Variants in RFX7 observed in about 807,000 individuals in gnomAD.
RFX7 encodes DNA-binding protein RFX7.
A neutral mutation model predicts 111.8 loss-of-function variants in RFX7; 26 were observed. The observed-to-expected ratio is 0.23, with a 90% CI of 0.17 to 0.32. The LOEUF (loss-of-function observed/expected upper bound fraction) is 0.32. RFX7 is among the 10% of genes least tolerant of loss of function. RFX7 has a pLI of 1.00. For missense variants in RFX7, 1,573 were observed against 1,772.9 expected (o/e 0.89, Z 2.02); for synonymous variants, 624 against 624.4 (o/e 1.00, Z 0.01).
chr15:56,167,987 A>G (rs1040891419), intron 3 of RFX7, among the ~76,000 whole-genome samples: 2 of 152,112 alleles, frequency 1.3e-5, no homozygotes, highest in African/African-American at 4.8e-5. Context: ...TTGGAAAAAT[A>G]AGGAACATTT....
intron 2 of RFX7, among the ~76,000 whole-genome samples, chr15:56,184,978 T>A (rs2043022898): frequency 6.6e-6 from 1 of 152,208 alleles, no homozygotes; most frequent in Non-Finnish European, 1.5e-5. Context: ...CGAGCTTTTT[T>A]GACATCTCAT....
Position 56,092,605 on chromosome 15 carries a change from T to C in RFX7, c.*740A>G. Reference sequence around the variant, plus strand: ...ACAAATGCCTGGAGTTACATTTGCTTGTTTTGTGTGTGCGTGCCTGCGCAT... The same window carrying C: ...ACAAATGCCTGGAGTTACATTTGCTCGTTTTGTGTGTGCGTGCCTGCGCAT... On this transcript the variant is annotated 3_prime_UTR_variant, in exon 10 of 10. Coordinates refer to ENST00000559447, the MANE Select transcript of RFX7 (RefSeq NM_022841.7). 1 of 152,506 alleles carries C rather than the reference T, an allele frequency of 6.6e-6. No homozygotes were observed. 9.4% of individuals were successfully genotyped at this position (152,506 alleles called of 1,614,324 possible). A position where few individuals can be genotyped will look rare whatever the true frequency, so the allele number is the denominator to read the frequency against.
Position 56,243,295 on chromosome 15 carries a change from GGGGTGGGA to G in RFX7, c.-2-16_-2-9del. 2.5e-6 allele frequency: 3 copies of G among 1,187,584 alleles called. No individual in the cohort carries two copies. The highest frequency in any genetic ancestry group is 3.2e-6 in the Non-Finnish European group (3 of 925,514). The allele number at this position is 1,187,584 out of a possible 1,614,324, so 73.6% of individuals were successfully genotyped here. ...GTTGTTCCTCTGCCATCGCTGCAGAGGGGTGGGAGGGAGGGAGGGAAAGATGGGGGCGC... is the reference window on the plus strand; with the variant it reads ...GTTGTTCCTCTGCCATCGCTGCAGAGGGGAGGGAGGGAAAGATGGGGGCGC... On this transcript the variant is annotated splice_polypyrimidine_tract_variant and intron_variant, in intron 1 of 9. Transcript: ENST00000559447.
intron 5 of RFX7, among the ~76,000 whole-genome samples, chr15:56,140,142 G>A (rs866706896): frequency 3.3e-5 from 5 of 152,150 alleles, no homozygotes; most frequent in African/African-American, 4.8e-5. Flanking sequence ...GGTGGGCTCC[G>A]CCCAGTTGGA....
intron 3 of RFX7, among the ~76,000 whole-genome samples, chr15:56,156,078 G>C (rs1459695861): frequency 6.6e-6 from 1 of 151,976 alleles, no homozygotes; most frequent in African/African-American, 2.4e-5. Context: ...ACTTTGGGCC[G>C]TACGTAGCAT....
chr15:56,241,403 T>C (rs2043687580), intron 2 of RFX7, among the ~76,000 whole-genome samples: 1 of 152,202 alleles, frequency 6.6e-6, no homozygotes, highest in South Asian at 2.1e-4. Context: ...GAAGATTCCT[T>C]TCCCCTCTTG....
chr15:56,227,654 C>G (rs2043499974), intron 2 of RFX7, among the ~76,000 whole-genome samples: 1 of 152,162 alleles, frequency 6.6e-6, no homozygotes, highest in African/African-American at 2.4e-5. Context: ...ATTCCTTCAT[C>G]CCAGCAGTGA....
chr15:56,238,558 C>A (rs1160239154), intron 2 of RFX7, among the ~76,000 whole-genome samples: 1 of 152,086 alleles, frequency 6.6e-6, no homozygotes, highest in Non-Finnish European at 1.5e-5. Context: ...TATCTCTTTC[C>A]ATAAAGTGGG....
At chr15:56,139,225 C>T (rs1160804486) in intron 5 of RFX7, among the ~76,000 whole-genome samples, 2 of 151,158 alleles carry the variant, frequency 1.3e-5, no homozygotes, top group Non-Finnish European at 3.0e-5. Flanking sequence ...CAACTTGGTT[C>T]CATTCTCCCC....
intron 3 of RFX7, among the ~76,000 whole-genome samples, chr15:56,176,706 C>A (rs1336519837): frequency 1.3e-5 from 2 of 152,066 alleles, no homozygotes; most frequent in Non-Finnish European, 2.9e-5. Context: ...TGAAAGGAAT[C>A]ATCCTTGATT....
chr15:56,191,258 G>C (rs1414629694), intron 2 of RFX7, among the ~76,000 whole-genome samples: 1 of 152,092 alleles, frequency 6.6e-6, no homozygotes, highest in African/African-American at 2.4e-5. Context: ...AGTTCCTAAA[G>C]CTTTGATTAA....
intron 3 of RFX7, among the ~76,000 whole-genome samples, chr15:56,149,952 A>T (rs2042544710): frequency 1.4e-5 from 2 of 145,010 alleles, no homozygotes; most frequent in Non-Finnish European, 1.5e-5. Context: ...GGAAACTAAG[A>T]TCCGCTGGCT....
At chr15:56,182,156 CATAA>C (rs1428329496) in intron 2 of RFX7, among the ~76,000 whole-genome samples, 3 of 152,058 alleles carry the variant, frequency 2.0e-5, no homozygotes, top group Admixed American at 2.0e-4. Flanking sequence ...GTAATAATAA[CATAA>C]ATAAACTGTA....
intron 5 of RFX7, among the ~76,000 whole-genome samples, chr15:56,115,414 T>C (rs1362008334): frequency 6.6e-6 from 1 of 152,144 alleles, no homozygotes; most frequent in Admixed American, 6.5e-5. Context: ...GACAGAAAGA[T>C]TTATAGTTGA....
rs368415919 is a variant in RFX7, at chr15:56,096,141, C to G, written c.1587G>C (p.Ala529=). ...LQSPGSRSSS[A]GGTSAVEVKV... is the part of the protein sequence containing the mutation. ...TGACTTCCACAGCAGATGTTCCCCC[C>G]GCACTGCTGCTCCTGGACCCAGGAG... Residue 529 remains alanine, a synonymous_variant, in exon 10 of 10, where the codon GCG becomes GCC. Coordinates refer to ENST00000559447, the MANE Select transcript of RFX7 (RefSeq NM_022841.7). 5 of 1,613,706 alleles carry G rather than the reference C, an allele frequency of 3.1e-6. No individual in the cohort carries two copies. Among genetic ancestry groups the G allele is most frequent in the Admixed American group, 1.7e-5 (1 of 59,990 alleles).
In RFX7 at chr15:56,092,571, T is replaced by C. The variant is rs1467980411; in HGVS notation, c.*774A>G. On this transcript the variant is annotated 3_prime_UTR_variant, in exon 10 of 10. Coordinates refer to ENST00000559447, the MANE Select transcript of RFX7 (RefSeq NM_022841.7). ...TTTTCTAACATGCTTGTATTTATTA[T>C]ATTAAATTACAAATGCCTGGAGTTA... 1.3e-5 allele frequency: 2 copies of C among 152,360 alleles called. No homozygotes were observed. The highest frequency in any genetic ancestry group is 2.9e-5 in the Non-Finnish European group (2 of 68,010). The allele number at this position is 152,360 out of a possible 1,614,324, so 9.4% of individuals were successfully genotyped here. A position where few individuals can be genotyped will look rare whatever the true frequency, so the allele number is the denominator to read the frequency against.
At chr15:56,186,442 G>A (rs1284200795) in intron 2 of RFX7, among the ~76,000 whole-genome samples, 1 of 152,068 alleles carries the variant, frequency 6.6e-6, no homozygotes, top group Non-Finnish European at 1.5e-5. Flanking sequence ...TAGCACCTAT[G>A]AATTTAATTT....
At chr15:56,139,238 C>G (rs1455780621) in intron 5 of RFX7, among the ~76,000 whole-genome samples, 1 of 151,046 alleles carries the variant, frequency 6.6e-6, no homozygotes, top group East Asian at 1.9e-4. Flanking sequence ...TTCTCCCCAT[C>G]ACTTTCAGGT....
intron 2 of RFX7, among the ~76,000 whole-genome samples, chr15:56,187,327 C>T (rs954177020): frequency 6.6e-6 from 1 of 151,838 alleles, no homozygotes; most frequent in African/African-American, 2.4e-5. Flanking sequence ...TCTCCTGCCT[C>T]GGCCTCCTGA....
Sources: gnomAD v4.1 joint callset for allele counts (sites outside exome capture counted in the v4.1 genomes callset) on GRCh38, gnomAD v4.1.1 for gene constraint, MANE v1.5 for transcripts, NCBI Gene and HGNC (gene_info 2026-07-23, HGNC 2026-07-21) for gene names.